PCDH11Y: variants seen among roughly 807,000 people sequenced by gnomAD.
PCDH11Y encodes protocadherin-11 Y-linked.
For missense variants in PCDH11Y, 12 were observed against 224.8 expected (o/e 0.05, Z 6.05); for synonymous variants, 9 against 83.6 (o/e 0.11, Z 4.87).
At chrY:5,011,726 A>G (rs2052550304) in intron 1 of PCDH11Y, among the ~76,000 whole-genome samples, 2 of 32,644 alleles carry the variant, frequency 6.1e-5, no homozygotes, top group Non-Finnish European at 1.5e-4. Flanking sequence ...ACTTTCATTC[A>G]TTATTAGTTT....
chrY:5,580,657 G>A (rs2053449984), intron 3 of PCDH11Y, among the ~76,000 whole-genome samples: 1 of 32,442 alleles, frequency 3.1e-5, no homozygotes, highest in Admixed American at 2.9e-4. Flanking sequence ...AAATTACATT[G>A]CATACAGATG....
chrY:5,642,897 T>C (rs2124705225), intron 4 of PCDH11Y, among the ~76,000 whole-genome samples: 1 of 33,357 alleles, frequency 3.0e-5, no homozygotes, highest in Admixed American at 2.7e-4. Flanking sequence ...AGTGAACACT[T>C]ATCTTTTCTT....
chrY:5,603,924 A>AAAGG (rs2053476415), intron 4 of PCDH11Y, among the ~76,000 whole-genome samples: 1 of 25,836 alleles, frequency 3.9e-5, no homozygotes, highest in Non-Finnish European at 9.4e-5. Context: ...AGAAAGAAAG[A>AAAGG]AAAGAAAGAA....
chrY:5,366,153 C>T (rs2053179858), intron 2 of PCDH11Y, among the ~76,000 whole-genome samples: 2 of 33,612 alleles, frequency 6.0e-5, no homozygotes, highest in African/African-American at 2.3e-4. Flanking sequence ...ACAGAAAGAT[C>T]ATTTAAACCT....
chrY:5,034,090 G>A, intron 3 of PCDH11Y, among the ~76,000 whole-genome samples: 1 of 32,799 alleles, frequency 3.0e-5, no homozygotes, highest in Non-Finnish European at 7.5e-5. Context: ...CAGACTCTAT[G>A]AGTACTTCTT....
At chrY:5,701,930 G>C (rs2124712060) in intron 4 of PCDH11Y, among the ~76,000 whole-genome samples, 1 of 33,556 alleles carries the variant, frequency 3.0e-5, no homozygotes, top group Non-Finnish European at 7.4e-5. Flanking sequence ...ACCTGGATGT[G>C]AGACATGGAG....
chrY:5,598,983 A>G, intron 4 of PCDH11Y, among the ~76,000 whole-genome samples: 2 of 32,461 alleles, frequency 6.2e-5, no homozygotes, highest in African/African-American at 1.2e-4. Flanking sequence ...TTAATTTTTT[A>G]TGTAGTAGAA....
At chrY:5,055,410 A>G (rs2052659366), upstream of PCDH11Y, among the ~76,000 whole-genome samples, 3 of 33,339 alleles carry the variant, frequency 9.0e-5, no homozygotes, top group Admixed American at 2.8e-4. Flanking sequence ...GCATTAATAC[A>G]TTTCTGGAAT....
At chrY:5,520,053 A>C (rs2124690104) in intron 3 of PCDH11Y, among the ~76,000 whole-genome samples, 1 of 27,968 alleles carries the variant, frequency 3.6e-5, no homozygotes, top group Admixed American at 3.4e-4. Flanking sequence ...TCTACAAAAA[A>C]AAAAAAAGAA....
chrY:5,142,113 C>T, intron 2 of PCDH11Y, among the ~76,000 whole-genome samples: 1 of 6,983 alleles, frequency 1.4e-4, no homozygotes, highest in Non-Finnish European at 2.9e-4. Flanking sequence ...CATGAACAGA[C>T]ACTTCTCAAA....
At chrY:5,209,219 C>T (rs2052935858) in intron 2 of PCDH11Y, among the ~76,000 whole-genome samples, 1 of 32,558 alleles carries the variant, frequency 3.1e-5, no homozygotes, top group Admixed American at 2.9e-4. Flanking sequence ...TTTAGGTATC[C>T]GTGGATCATG....
intron 3 of PCDH11Y, among the ~76,000 whole-genome samples, chrY:5,506,928 CAAT>C (rs2053359374): frequency 3.1e-5 from 1 of 32,623 alleles, no homozygotes; most frequent in Non-Finnish European, 7.6e-5. Context: ...TTTAAGGTAA[CAAT>C]AATATCAAAG....
chrY:5,524,004 T>C (rs2053383856), intron 3 of PCDH11Y, among the ~76,000 whole-genome samples: 1 of 33,398 alleles, frequency 3.0e-5, no homozygotes. Flanking sequence ...TTATAAAATA[T>C]AGCAGGAAAT....
intron 2 of PCDH11Y, among the ~76,000 whole-genome samples, chrY:5,386,403 T>C: frequency 3.1e-5 from 1 of 32,727 alleles, no homozygotes; most frequent in African/African-American, 1.2e-4. Context: ...TCTAGGTCTC[T>C]AGCAAGGCCG....
At chrY:5,352,651 A>G in intron 2 of PCDH11Y, among the ~76,000 whole-genome samples, 1 of 33,401 alleles carries the variant, frequency 3.0e-5, no homozygotes, top group Non-Finnish European at 7.3e-5. Flanking sequence ...TGGTATGTGA[A>G]GATTTGTAAT....
At chrY:5,085,170 A>C (rs369635208) in intron 1 of PCDH11Y, among the ~76,000 whole-genome samples, 1,105 of 31,644 alleles carry the variant, frequency 0.035, no homozygotes, top group African/African-American at 0.13. Flanking sequence ...TTGTGTTTTC[A>C]TTTTATGTTT....
chrY:5,387,763 A>G (rs2053217493), intron 2 of PCDH11Y, among the ~76,000 whole-genome samples: 5 of 28,663 alleles, frequency 1.7e-4, no homozygotes, highest in Non-Finnish European at 3.3e-4. Flanking sequence ...TCAGCTACCA[A>G]GGTGGGTAGG....
intron 2 of PCDH11Y, among the ~76,000 whole-genome samples, chrY:5,445,810 C>T: frequency 6.1e-5 from 2 of 32,704 alleles, no homozygotes; most frequent in African/African-American, 1.2e-4. Flanking sequence ...TCAATATATA[C>T]CATAATAGAT....
At chrY:5,123,915 A>G in intron 2 of PCDH11Y, among the ~76,000 whole-genome samples, 1 of 33,297 alleles carries the variant, frequency 3.0e-5, no homozygotes, top group Non-Finnish European at 7.4e-5. Context: ...TAGGCTCGCC[A>G]GGCATACATT....
Sources: allele counts gnomAD v4.1 joint callset (sites outside exome capture counted in the v4.1 genomes callset), GRCh38; gene constraint gnomAD v4.1.1; transcripts MANE v1.5; gene names NCBI Gene and HGNC (gene_info 2026-07-23, HGNC 2026-07-21).